RGS7: variants seen among roughly 807,000 people sequenced by gnomAD.
The protein encoded by RGS7 is regulator of G protein signaling 7.
A neutral mutation model predicts 81.1 loss-of-function variants in RGS7; 27 were observed. The ratio of observed to expected loss-of-function variants is 0.33; its 90% CI spans 0.25 to 0.46. The LOEUF is 0.46. Among genes scored for constraint, RGS7 ranks in the 20% least tolerant of loss-of-function variants. The pLI is 1.00. For missense variants in RGS7, 396 were observed against 607.4 expected, an observed-to-expected ratio of 0.65 and a Z score of 3.66; for synonymous variants, 208 against 207.7, an observed-to-expected ratio of 1.00 and a Z score of -0.01.
intron 2 of RGS7, among the ~76,000 whole-genome samples, chr1:241,355,408 A>G (rs2083497965): frequency 6.6e-6 from 1 of 152,252 alleles, no homozygotes; most frequent in South Asian, 2.1e-4. Context: ...AATCATGTGT[A>G]TAACAACCAA....
chr1:241,220,950 C>CCAGG (rs2074866924), intron 2 of RGS7, among the ~76,000 whole-genome samples: 1 of 54,292 alleles, frequency 1.8e-5, no homozygotes, highest in Admixed American at 2.2e-4. Context: ...AAGGAAGAAG[C>CCAGG]AAGGAAGGAA....
Position 240,864,789 on chromosome 1 carries a change from A to T in RGS7, c.609+3798T>A, listed in dbSNP as rs562952085. Among the ~76,000 whole-genome samples the T allele has an allele frequency of 1.1e-4, 16 of 152,258 alleles. No individual in the cohort carries two copies. The East Asian group carries it at 2.3e-3, about 22-fold the overall frequency. The stretch of plus-strand genomic sequence containing the variant: ...AAGAGTGGAATGATAAGGCTGGAGG[A>T]AAAAAGAGATGGCTATGGGAGTGGT... On this transcript the variant is annotated intron_variant, in intron 9 of 18. Transcript: ENST00000440928.
At chr1:241,008,288 T>C (rs1005794916) in intron 3 of RGS7, among the ~76,000 whole-genome samples, 1 of 152,238 alleles carries the variant, frequency 6.6e-6, no homozygotes, top group Non-Finnish European at 1.5e-5. Flanking sequence ...GATAAAACTC[T>C]ATTTTTTCTC....
intron 2 of RGS7, among the ~76,000 whole-genome samples, chr1:241,245,668 G>T (rs112206863): frequency 1.3e-5 from 2 of 151,778 alleles, no homozygotes; most frequent in Non-Finnish European, 2.9e-5. Context: ...TTAGCCAGGC[G>T]TAGTGGCAAG....
intron 9 of RGS7, among the ~76,000 whole-genome samples, chr1:240,839,826 C>T (rs1242977194): frequency 6.6e-6 from 1 of 152,112 alleles, no homozygotes; most frequent in Non-Finnish European, 1.5e-5. Flanking sequence ...CAGTTTCTCT[C>T]CCCTCCTACC....
At chr1:240,999,779 T>TTC (rs1687856811) in intron 3 of RGS7, among the ~76,000 whole-genome samples, 1 of 131,110 alleles carries the variant, frequency 7.6e-6, no homozygotes, top group African/African-American at 4.5e-5. Flanking sequence ...TTTTTTTTTT[T>TTC]CCCAGTAGAG....
chr1:241,203,979 A>G (rs2073703170), intron 2 of RGS7, among the ~76,000 whole-genome samples: 1 of 152,230 alleles, frequency 6.6e-6, no homozygotes, highest in African/African-American at 2.4e-5. Flanking sequence ...AAGGTCAAAT[A>G]CAACAGGAGC....
At chr1:241,096,853 T>C (rs375672294) in intron 3 of RGS7, among the ~76,000 whole-genome samples, 16 of 152,132 alleles carry the variant, frequency 1.1e-4, no homozygotes, top group African/African-American at 3.4e-4. Context: ...TTAGAATGCC[T>C]CTAAGCAGGC....
chr1:241,222,989 T>C (rs1247647401), intron 2 of RGS7, among the ~76,000 whole-genome samples: 1 of 152,224 alleles, frequency 6.6e-6, no homozygotes, highest in Non-Finnish European at 1.5e-5. Flanking sequence ...GCAAAGGACA[T>C]GAACTCATCC....
intron 2 of RGS7, among the ~76,000 whole-genome samples, chr1:241,170,697 G>A (rs964710843): frequency 2.6e-5 from 4 of 152,186 alleles, no homozygotes; most frequent in Non-Finnish European, 5.9e-5. Flanking sequence ...GATCTGGAGG[G>A]AGCAGTGCGG....
chr1:241,242,491 G>A (rs897034514), intron 2 of RGS7, among the ~76,000 whole-genome samples: 6 of 152,156 alleles, frequency 3.9e-5, no homozygotes, highest in Non-Finnish European at 8.8e-5. Context: ...GGGTAGATAA[G>A]CAGTAGTAGG....
chr1:241,066,672 C>G (rs967341284), intron 3 of RGS7, among the ~76,000 whole-genome samples: 2 of 152,106 alleles, frequency 1.3e-5, no homozygotes. Flanking sequence ...TTATAATCAC[C>G]GTCACATCAA....
At chr1:241,068,238 G>GTGTGTGTGTGTGTGTGTGTGTATATATC in intron 3 of RGS7, among the ~76,000 whole-genome samples, 1 of 35,660 alleles carries the variant, frequency 2.8e-5, no homozygotes, top group African/African-American at 9.5e-5. Context: ...GTGTGTGTGT[G>GTGTGTGTGTGTGTGTGTGTGTATATATC]TATATATATA....
chr1:241,269,022 G>T (rs548611616), intron 2 of RGS7, among the ~76,000 whole-genome samples: 1 of 152,144 alleles, frequency 6.6e-6, no homozygotes, highest in Non-Finnish European at 1.5e-5. Context: ...GGTTTAGTAC[G>T]TGCATAATGA....
chr1:241,160,796 T>G (rs538959160), intron 2 of RGS7, among the ~76,000 whole-genome samples: 1 of 152,314 alleles, frequency 6.6e-6, no homozygotes, highest in African/African-American at 2.4e-5. Context: ...TGTTCCAGCT[T>G]ATTAAATCTT....
At chr1:241,166,383 T>C (rs2070241730) in intron 2 of RGS7, among the ~76,000 whole-genome samples, 1 of 152,042 alleles carries the variant, frequency 6.6e-6, no homozygotes, top group African/African-American at 2.4e-5. Flanking sequence ...TAAGATTGAA[T>C]CAATGACTCC....
chr1:241,068,259 A>AAT (rs1332691255), intron 3 of RGS7, among the ~76,000 whole-genome samples: 15 of 18,830 alleles, frequency 8.0e-4, no homozygotes, highest in African/African-American at 2.0e-3. Context: ...TATATATATA[A>AAT]AATATTGTGT....
intron 2 of RGS7, among the ~76,000 whole-genome samples, chr1:241,312,944 T>C (rs35914368): frequency 0.27 from 41,635 of 152,000 alleles, 6,068 homozygotes; most frequent in African/African-American, 0.37. Flanking sequence ...TGAAACGGCC[T>C]TATTGCTGAT....
chr1:241,017,178 T>A (rs2059295590), intron 3 of RGS7, among the ~76,000 whole-genome samples: 1 of 152,198 alleles, frequency 6.6e-6, no homozygotes, highest in Admixed American at 6.6e-5. Flanking sequence ...TTGCTACTAC[T>A]ATTGCTTTAA....
Sources: allele counts gnomAD v4.1 joint callset (sites outside exome capture counted in the v4.1 genomes callset), GRCh38; gene constraint gnomAD v4.1.1; transcripts MANE v1.5; gene names NCBI Gene and HGNC (gene_info 2026-07-23, HGNC 2026-07-21).